Variants in PPP2R1B observed in about 807,000 individuals in gnomAD.
PPP2R1B encodes the protein protein phosphatase 2 scaffold subunit Abeta, also known as serine/threonine-protein phosphatase 2A 65 kDa regulatory subunit A beta isoform.
Under a neutral mutation model 72.7 loss-of-function variants are expected in PPP2R1B, and 58 were observed. The ratio of observed to expected loss-of-function variants is 0.80; its 90% CI spans 0.65 to 0.99. The LOEUF (loss-of-function observed/expected upper bound fraction) is 0.99, where lower values mean the gene tolerates loss of function less well. Among genes scored for constraint, PPP2R1B ranks in the 50% least tolerant of loss-of-function variants. The probability of loss-of-function intolerance (pLI) is 0.00; values close to 1 mark genes in which losing one functional copy is unlikely to be tolerated. For synonymous variants in PPP2R1B, 256 were observed against 264.6 expected (o/e 0.97, Z 0.32); for missense variants, 695 against 733.6 (o/e 0.95, Z 0.61).
At chr11:111,736,837 G>A (rs909056234), downstream of PPP2R1B, among the ~76,000 whole-genome samples, 5 of 152,238 alleles carry the variant, frequency 3.3e-5, no homozygotes, top group African/African-American at 1.2e-4. Flanking sequence ...TCTGGCATCC[G>A]CACGAGGCAG....
At chr11:111,754,719 C>T (rs1945036967) in intron 7 of PPP2R1B, 150 bp from the exon 8 acceptor site, 4 of 1,375,064 alleles carry the variant, frequency 2.9e-6, no homozygotes, top group South Asian at 3.2e-5. Context: ...TAAACTTTTT[C>T]GTGAACTCTC....
Position 111,740,618 on chromosome 11 carries a change from C to T in PPP2R1B, c.*978G>A, listed in dbSNP as rs901079894. 1 of 985,198 alleles carries T rather than the reference C, an allele frequency of 1.0e-6. No homozygotes were observed. Among genetic ancestry groups the T allele is most frequent in the African/African-American group, 1.7e-5 (1 of 57,212 alleles). 61.0% of individuals were successfully genotyped at this position (985,198 alleles called of 1,614,324 possible). A position where few individuals can be genotyped will look rare whatever the true frequency, so the allele number is the denominator to read the frequency against. ...TACTGTAAAAGTAGAAAAGCAAACACTTCAAATGATAAGACTCCAGTATCA... is the reference window on the plus strand; with the variant it reads ...TACTGTAAAAGTAGAAAAGCAAACATTTCAAATGATAAGACTCCAGTATCA... On this transcript the variant is annotated 3_prime_UTR_variant, in exon 15 of 15. Coordinates refer to ENST00000527614, the MANE Select transcript of PPP2R1B (RefSeq NM_002716.5).
At chr11:111,760,384 T>C (rs917717937) in intron 4 of PPP2R1B, among the ~76,000 whole-genome samples, 11 of 152,128 alleles carry the variant, frequency 7.2e-5, no homozygotes, top group Non-Finnish European at 1.5e-4. Context: ...GGTCTCACTA[T>C]GTTGCTCAAG....
chr11:111,719,872 G>A, the PPP2R1B span: 1 of 1,614,100 alleles, frequency 6.2e-7, no homozygotes, highest in Non-Finnish European at 8.5e-7. Flanking sequence ...ATTGACGAAG[G>A]GCTGGAGACA....
chr11:111,761,288 G>A (rs782669395), intron 3 of PPP2R1B: 3 of 646,954 alleles, frequency 4.6e-6, no homozygotes, highest in South Asian at 4.5e-5. Flanking sequence ...TTCCCAGATG[G>A]TGTCTACAAA....
At chr11:111,701,070 G>A in the PPP2R1B span, 1 of 1,569,232 alleles carries the variant, frequency 6.4e-7, no homozygotes, top group East Asian at 2.3e-5. The surrounding 1 kb of genome is among the most constrained non-coding windows in gnomAD (Gnocchi z 4.2). Context: ...TTGGTGTTCT[G>A]GCCCATCTTA....
At chr11:111,737,845 C>T (rs2136028885), downstream of PPP2R1B, 2 of 1,262,236 alleles carry the variant, frequency 1.6e-6, no homozygotes, top group Non-Finnish European at 1.0e-6. Context: ...TGATGGTCTC[C>T]AGAGCCCCAA....
downstream of PPP2R1B, among the ~76,000 whole-genome samples, chr11:111,737,072 T>C (rs901267332): frequency 1.3e-5 from 2 of 152,348 alleles, no homozygotes; most frequent in South Asian, 2.1e-4. Context: ...AGAGGAATTA[T>C]GGCAAGTCAC....
chr11:111,738,805 C>T lies in PPP2R1B; in HGVS notation c.*2791G>A, dbSNP rs1239912089. On this transcript the variant is annotated 3_prime_UTR_variant, in exon 15 of 15. Coordinates refer to ENST00000527614, the MANE Select transcript of PPP2R1B (RefSeq NM_002716.5). Reference sequence around the variant, plus strand: ...CTCTTAAACCTGTGAGGGGTAAACCCCACACAAATTACAGAGAGAAACACC... The same window carrying T: ...CTCTTAAACCTGTGAGGGGTAAACCTCACACAAATTACAGAGAGAAACACC... 1 of 984,846 alleles carries T rather than the reference C, an allele frequency of 1.0e-6. No individual in the cohort carries two copies. The highest frequency in any genetic ancestry group is 1.8e-5 in the African/African-American group (1 of 57,028). The allele number at this position is 984,846 out of a possible 1,614,324, so 61.0% of individuals were successfully genotyped here. A position where few individuals can be genotyped will look rare whatever the true frequency, so the allele number is the denominator to read the frequency against.
At chr11:111,758,173 G>A (rs1158478109) in intron 5 of PPP2R1B, among the ~76,000 whole-genome samples, 5 of 152,172 alleles carry the variant, frequency 3.3e-5, no homozygotes, top group African/African-American at 1.2e-4. Context: ...TACAAATATT[G>A]TTAATTTCAC....
chr11:111,732,798 C>A (rs538293239), intron 15 of PPP2R1B, among the ~76,000 whole-genome samples: 140 of 152,332 alleles, frequency 9.2e-4, no homozygotes, highest in African/African-American at 3.3e-3. Flanking sequence ...TGCTTGCCAG[C>A]AGCCCGTGGG....
Position 111,765,395 on chromosome 11 carries a change from G to C in PPP2R1B, c.115-11C>G, listed in dbSNP as rs782415121. 3.1e-6 allele frequency: 5 copies of C among 1,592,312 alleles called. No homozygotes were observed. Among genetic ancestry groups the C allele is most frequent in the African/African-American group, 2.7e-5 (2 of 74,158 alleles). On this transcript the variant is annotated splice_polypyrimidine_tract_variant and intron_variant, in intron 1 of 14. Transcript: ENST00000527614. ...ACTGTTGAGTCGGAGCTTCAGAAAA[G>C]AAAGTAGAAAGAAGAACAATGTAAA...
At chr11:111,701,854 C>T in the PPP2R1B span, among the ~76,000 whole-genome samples, 1 of 152,086 alleles carries the variant, frequency 6.6e-6, no homozygotes. This position sits in a 1 kb window ranked among gnomAD's most constrained non-coding sequence, Gnocchi z 4.2. Flanking sequence ...TTAGATTTAA[C>T]GAAGCCCTTT....
At chr11:111,733,348 G>GA (rs567504090), downstream of PPP2R1B, among the ~76,000 whole-genome samples, 252 of 152,220 alleles carry the variant, frequency 1.7e-3, no homozygotes, top group African/African-American at 5.4e-3. Flanking sequence ...AGACAGGAGG[G>GA]AGCCACAGCA....
intron 11 of PPP2R1B, among the ~76,000 whole-genome samples, chr11:111,745,530 C>T (rs1240923781): frequency 6.6e-6 from 1 of 151,790 alleles, no homozygotes; most frequent in African/African-American, 2.4e-5. Context: ...GTTCCTCTGA[C>T]TGTTTTCAGA....
At chr11:111,694,921 G>A in the PPP2R1B span, among the ~76,000 whole-genome samples, 1 of 152,162 alleles carries the variant, frequency 6.6e-6, no homozygotes, top group East Asian at 1.9e-4. Flanking sequence ...TGGTCAGCAG[G>A]ATCACATTTC....
In PPP2R1B at chr11:111,752,314, T is replaced by A. The variant is rs1555048233; in HGVS notation, c.1183A>T (p.Asn395Tyr). The A allele has an allele frequency of 6.2e-7, 1 of 1,612,306 alleles. No homozygotes were observed. Residue 395 changes from asparagine to tyrosine, a missense_variant, in exon 10 of 15, where the codon AAT (asparagine) becomes TAT (tyrosine). Physicochemically the swap from Asn to Tyr is moderately radical, Grantham distance 143. Coordinates refer to ENST00000527614, the MANE Select transcript of PPP2R1B (RefSeq NM_002716.5). ...ACACAATCCAAATTGGAGATGATAT[T>A]CAAACGAACGTCAGGACACTGCAAG... ...LKDECPDVRL[N>Y]IISNLDCVNE...
At chr11:111,717,149 C>T in the PPP2R1B span, among the ~76,000 whole-genome samples, 2 of 151,752 alleles carry the variant, frequency 1.3e-5, no homozygotes, top group Non-Finnish European at 2.9e-5. Flanking sequence ...CCCATCTCTA[C>T]TAAAAATGCA....
chr11:111,741,341 T>G lies in PPP2R1B; in HGVS notation c.*255A>C. On this transcript the variant is annotated 3_prime_UTR_variant, in exon 15 of 15. Transcript: ENST00000527614. Reference sequence around the variant, plus strand: ...AGCCCAGGTGGTGATGGATAAAGCATTAGGAGACAATCAAGTGTCAGGAAT... The same window carrying G: ...AGCCCAGGTGGTGATGGATAAAGCAGTAGGAGACAATCAAGTGTCAGGAAT... 1.5e-6 allele frequency: 2 copies of G among 1,316,360 alleles called. No homozygotes were observed. The highest frequency in any genetic ancestry group is 9.7e-7 in the Non-Finnish European group (1 of 1,032,518). The allele number at this position is 1,316,360 out of a possible 1,614,324, so 81.5% of individuals were successfully genotyped here.
Sources: allele counts gnomAD v4.1 joint callset (sites outside exome capture counted in the v4.1 genomes callset), GRCh38; gene constraint gnomAD v4.1.1; non-coding constraint Gnocchi (gnomAD v3.1); transcripts MANE v1.5; gene names NCBI Gene and HGNC (gene_info 2026-07-23, HGNC 2026-07-21).